GET3: variants seen among roughly 807,000 people sequenced by gnomAD.
GET3 encodes ATPase GET3.
A neutral mutation model predicts 32.4 loss-of-function variants in GET3; 15 were observed. The observed-to-expected ratio is 0.46, with a 90% CI of 0.31 to 0.71. The LOEUF (loss-of-function observed/expected upper bound fraction) is 0.71. Ranked by LOEUF, GET3 falls within the 30% of genes least tolerant of loss-of-function variation. The pLI, the probability that GET3 is intolerant of heterozygous loss-of-function variation, is 0.05. For missense variants in GET3, 333 were observed against 459.0 expected (o/e 0.73, Z 2.51); for synonymous variants, 198 against 185.6 (o/e 1.07, Z -0.54).
intron 2 of GET3, among the ~76,000 whole-genome samples, chr19:12,740,570 C>T (rs545865004): frequency 4.4e-4 from 59 of 135,144 alleles, no homozygotes; most frequent in African/African-American, 1.6e-3. Context: ...CCAGCTACTC[C>T]GGAGGCTGAG....
intron 2 of GET3, among the ~76,000 whole-genome samples, chr19:12,742,408 T>TG (rs1393983140): frequency 6.6e-6 from 1 of 151,328 alleles, no homozygotes; most frequent in Non-Finnish European, 1.5e-5. Flanking sequence ...ATTTTTGTTT[T>TG]GGGGGGGTTT....
chr19:12,741,553 G>A (rs1967669813), intron 2 of GET3, among the ~76,000 whole-genome samples: 3 of 152,090 alleles, frequency 2.0e-5, no homozygotes, highest in African/African-American at 4.8e-5. Flanking sequence ...GAGGTCGGGA[G>A]TTCGAGACCA....
In GET3 at chr19:12,738,508, C is replaced by A; in HGVS notation, c.162-3C>A. 1.2e-6 allele frequency: 2 copies of A among 1,614,026 alleles called. No individual in the cohort carries two copies. The highest frequency in any genetic ancestry group is 3.3e-5 in the Admixed American group (2 of 60,012). On this transcript the variant is annotated splice_region_variant and splice_polypyrimidine_tract_variant and intron_variant, in intron 1 of 6. Transcript: ENST00000357332. The stretch of plus-strand genomic sequence containing the variant: ...CCTATCTTTTGACTTTTCCATTACT[C>A]AGCTGCAGCCTGGCAGTCCAGCTCT...
At chr19:12,743,020 G>A (rs1246576439) in intron 2 of GET3, among the ~76,000 whole-genome samples, 1 of 152,182 alleles carries the variant, frequency 6.6e-6, no homozygotes, top group Non-Finnish European at 1.5e-5. Context: ...GTGAGGGGAT[G>A]AAGTAGTCCA....
chr19:12,738,717 T>G lies in GET3; in HGVS notation c.309+59T>G, dbSNP rs1248819694. 1.9e-6 allele frequency: 3 copies of G among 1,607,474 alleles called. No homozygotes were observed. The East Asian group carries it at 6.7e-5, about 36-fold the overall frequency. Reference sequence around the variant, plus strand: ...GAAAAGCCTCTTCCAGCCTTTCTTGTGCGCACACACCAGCAGCCACCGTGT... The same window carrying G: ...GAAAAGCCTCTTCCAGCCTTTCTTGGGCGCACACACCAGCAGCCACCGTGT... On this transcript the variant is annotated intron_variant, in intron 2 of 6. Coordinates refer to ENST00000357332, the MANE Select transcript of GET3 (RefSeq NM_004317.4).
At chr19:12,738,129 C>G (rs1435797417) in intron 1 of GET3, among the ~76,000 whole-genome samples, 1 of 152,132 alleles carries the variant, frequency 6.6e-6, no homozygotes, top group African/African-American at 2.4e-5. Flanking sequence ...TTATCCTGGA[C>G]AAGCAGACTG....
intron 2 of GET3, among the ~76,000 whole-genome samples, chr19:12,741,295 A>C (rs2145687596): frequency 6.6e-6 from 1 of 150,940 alleles, no homozygotes; most frequent in Non-Finnish European, 1.5e-5. Flanking sequence ...TCTCTACTAA[A>C]AATACAAAAA....
At position 12,748,230 on chromosome 19, in the gene GET3, A is replaced by T. The variant is rs1036981525; in HGVS notation, c.*126A>T. 3 of 944,512 alleles carry T rather than the reference A, an allele frequency of 3.2e-6. No individual in the cohort carries two copies. The highest frequency in any genetic ancestry group is 4.4e-6 in the Non-Finnish European group (3 of 677,210). 58.5% of individuals were successfully genotyped at this position (944,512 alleles called of 1,614,324 possible). A position where few individuals can be genotyped will look rare whatever the true frequency, so the allele number is the denominator to read the frequency against. Reference sequence around the variant, plus strand: ...GGAGCCACTTGGGCAGGAGGCAGGGAGGGGTCCATTCCCCCTGGTGGGGCT... The same window carrying T: ...GGAGCCACTTGGGCAGGAGGCAGGGTGGGGTCCATTCCCCCTGGTGGGGCT... On this transcript the variant is annotated 3_prime_UTR_variant, in exon 7 of 7. Coordinates refer to ENST00000357332, the MANE Select transcript of GET3 (RefSeq NM_004317.4).
chr19:12,747,648 C>G lies in GET3; in HGVS notation c.915+56C>G. ...AGAGGCACCTCTGCCCCTTTATTCT[C>G]TGATCTTTTGCTCCACCATCTGGCC... On this transcript the variant is annotated intron_variant, in intron 6 of 6. Coordinates refer to ENST00000357332, the MANE Select transcript of GET3 (RefSeq NM_004317.4). The surrounding 1 kb of genome is among the most constrained non-coding windows in gnomAD (Gnocchi z 4.0). 1 of 1,567,372 alleles carries G rather than the reference C, an allele frequency of 6.4e-7. No individual in the cohort carries two copies. The highest frequency in any genetic ancestry group is 1.1e-5 in the South Asian group (1 of 87,490).
intron 1 of GET3, among the ~76,000 whole-genome samples, chr19:12,737,912 G>A (rs1051196705): frequency 1.3e-5 from 2 of 152,156 alleles, no homozygotes; most frequent in Non-Finnish European, 2.9e-5. Context: ...CCCGGGGGAC[G>A]GGGAAGCACT....
At position 12,745,051 on chromosome 19, in the gene GET3, G is replaced by A. The variant is rs1402301148; in HGVS notation, c.310-326G>A. Among the ~76,000 whole-genome samples, 1 of 152,144 alleles carries A rather than the reference G, an allele frequency of 6.6e-6. No individual in the cohort carries two copies. Among genetic ancestry groups the A allele is most frequent in the Non-Finnish European group, 1.5e-5 (1 of 68,028 alleles). ...GGAAGAGGTCATGGCCCAGTCATGG[G>A]AGTATCTGGGGTTGCAAGTGGCAGG... On this transcript the variant is annotated intron_variant, in intron 2 of 6. Transcript: ENST00000357332. This position sits in a 1 kb window ranked among gnomAD's most constrained non-coding sequence, Gnocchi z 5.0.
At chr19:12,742,007 A>G (rs1234207039) in intron 2 of GET3, among the ~76,000 whole-genome samples, 1 of 152,078 alleles carries the variant, frequency 6.6e-6, no homozygotes, top group African/African-American at 2.4e-5. Context: ...AGCCATACCT[A>G]TCATTTCAGT....
chr19:12,747,359 A>G lies in GET3; in HGVS notation c.718-36A>G. The G allele has an allele frequency of 6.2e-7, 1 of 1,612,086 alleles. No individual in the cohort carries two copies. Among genetic ancestry groups the G allele is most frequent in the Non-Finnish European group, 8.5e-7 (1 of 1,178,460 alleles). ...GCCCGGGGGCTGAGGACAGGGGCAG[A>G]CCCCGCCCCTCACTGTCCTCTCTCG... On this transcript the variant is annotated intron_variant, in intron 5 of 6. Transcript: ENST00000357332. This position sits in a 1 kb window ranked among gnomAD's most constrained non-coding sequence, Gnocchi z 4.0.
At chr19:12,744,093 A>G (rs1424413600) in intron 2 of GET3, among the ~76,000 whole-genome samples, 4 of 148,300 alleles carry the variant, frequency 2.7e-5, no homozygotes, top group African/African-American at 9.9e-5. Context: ...GGGCATGCCT[A>G]TAGTCTCAGC....
intron 2 of GET3, 55 bp downstream of exon 2, chr19:12,738,713 C>G: frequency 6.2e-7 from 1 of 1,608,566 alleles, no homozygotes; most frequent in Non-Finnish European, 8.5e-7. Flanking sequence ...TCCAGCCTTT[C>G]TTGTGCGCAC....
At position 12,747,062 on chromosome 19, in the gene GET3, C is replaced by A; in HGVS notation, c.610-135C>A. 1 of 588,538 alleles carries A rather than the reference C, an allele frequency of 1.7e-6. No individual in the cohort carries two copies. 36.5% of individuals were successfully genotyped at this position (588,538 alleles called of 1,614,324 possible). On this transcript the variant is annotated intron_variant, in intron 4 of 6. Coordinates refer to ENST00000357332, the MANE Select transcript of GET3 (RefSeq NM_004317.4). This position sits in a 1 kb window ranked among gnomAD's most constrained non-coding sequence, Gnocchi z 4.0. ...ATGGAAAAGCTAGTATTTGACCAAC[C>A]CCAGGAATCTGCTTATGGGCCTGAG...
At chr19:12,743,265 G>A (rs1316605154) in intron 2 of GET3, among the ~76,000 whole-genome samples, 3 of 151,164 alleles carry the variant, frequency 2.0e-5, no homozygotes, top group South Asian at 2.1e-4. Context: ...ATCACCTGAG[G>A]TTGGGAGTTG....
chr19:12,747,162 G>A lies in GET3; in HGVS notation c.610-35G>A, dbSNP rs1967787903. On this transcript the variant is annotated intron_variant, in intron 4 of 6. Transcript: ENST00000357332. The surrounding 1 kb of genome is among the most constrained non-coding windows in gnomAD (Gnocchi z 4.0). The stretch of plus-strand genomic sequence containing the variant: ...ACCCCCAACCCAGGAGGTCGCCGCA[G>A]GTAAGCTATGAGCCCTCCCACATCC... The A allele has an allele frequency of 6.5e-7, 1 of 1,541,100 alleles. No individual in the cohort carries two copies. Among genetic ancestry groups the A allele is most frequent in the Non-Finnish European group, 8.8e-7 (1 of 1,141,510 alleles).
Position 12,745,266 on chromosome 19 carries a change from G to T in GET3, c.310-111G>T. ...TGCCTGTGGTCACAGCCCACCACAG[G>T]CTCCCTCTGGCCCTGTGCCCGGGTA... On this transcript the variant is annotated intron_variant, in intron 2 of 6. Coordinates refer to ENST00000357332, the MANE Select transcript of GET3 (RefSeq NM_004317.4). This position sits in a 1 kb window ranked among gnomAD's most constrained non-coding sequence, Gnocchi z 5.0. The T allele has an allele frequency of 2.3e-6, 3 of 1,313,146 alleles. No homozygotes were observed. The highest frequency in any genetic ancestry group is 2.7e-5 in the South Asian group (2 of 73,244). The allele number at this position is 1,313,146 out of a possible 1,614,324, so 81.3% of individuals were successfully genotyped here. A position where few individuals can be genotyped will look rare whatever the true frequency, so the allele number is the denominator to read the frequency against.
Sources: allele counts gnomAD v4.1 joint callset (sites outside exome capture counted in the v4.1 genomes callset), GRCh38; gene constraint gnomAD v4.1.1; non-coding constraint Gnocchi (gnomAD v3.1); transcripts MANE v1.5; gene names NCBI Gene and HGNC (gene_info 2026-07-23, HGNC 2026-07-21).